The following NDUFS1 variants were observed in gnomAD, a reference collection of about 807,000 sequenced individuals.
NDUFS1 encodes the protein NADH-ubiquinone oxidoreductase 75 kDa subunit, mitochondrial.
NDUFS1 carries 61 observed loss-of-function variants against 84.4 expected under a neutral mutation model. That is an observed-to-expected ratio of 0.72 (90% CI 0.59 to 0.89). NDUFS1 has a LOEUF of 0.89. NDUFS1 is among the 40% of genes least tolerant of loss of function. NDUFS1 has a pLI of 0.00. For missense variants in NDUFS1, 891 were observed against 890.0 expected (o/e 1.00, Z -0.01); for synonymous variants, 275 against 290.0 (o/e 0.95, Z 0.53).
intron 13 of NDUFS1, among the ~76,000 whole-genome samples, chr2:206,133,680 A>G (rs1174640096): frequency 6.6e-6 from 1 of 152,232 alleles, no homozygotes; most frequent in Non-Finnish European, 1.5e-5. Context: ...ATGGGCAAAT[A>G]AGATGTAAAG....
rs1166389139 is a variant in NDUFS1, at chr2:206,120,228, A to G, written c.*3957T>C. The G allele has an allele frequency of 6.6e-6, 1 of 152,248 alleles. No individual in the cohort carries two copies. The highest frequency in any genetic ancestry group is 6.5e-5 in the Admixed American group (1 of 15,274). 9.4% of individuals were successfully genotyped at this position (152,248 alleles called of 1,614,324 possible). A position where few individuals can be genotyped will look rare whatever the true frequency, so the allele number is the denominator to read the frequency against. ...TTGCAAGAATTACCCAATCTCAGAT[A>G]TTCCTTTACAGTAATGCAAACAGAT... On this transcript the variant is annotated 3_prime_UTR_variant, in exon 19 of 19. Coordinates refer to ENST00000233190, the MANE Select transcript of NDUFS1 (RefSeq NM_005006.7).
At chr2:206,147,975 T>C in intron 5 of NDUFS1, 141 bp from the exon 6 acceptor site, 1 of 783,710 alleles carries the variant, frequency 1.3e-6, no homozygotes, top group Non-Finnish European at 2.2e-6. Flanking sequence ...TGCAGTGCAG[T>C]GGCACAATCT....
intron 12 of NDUFS1, among the ~76,000 whole-genome samples, chr2:206,139,060 G>A (rs1365385550): frequency 2.0e-5 from 3 of 151,032 alleles, no homozygotes; most frequent in Admixed American, 6.6e-5. Flanking sequence ...AGGTTGCAGC[G>A]AGCTGAGATC....
At chr2:206,150,971 C>T (rs916285840) in intron 3 of NDUFS1, among the ~76,000 whole-genome samples, 1 of 152,060 alleles carries the variant, frequency 6.6e-6, no homozygotes, top group East Asian at 1.9e-4. Context: ...AAAAATCCCT[C>T]GGGTCTTCAT....
At chr2:206,143,484 T>C (rs561976783) in intron 10 of NDUFS1, among the ~76,000 whole-genome samples, 1 of 152,300 alleles carries the variant, frequency 6.6e-6, no homozygotes, top group East Asian at 1.9e-4. Context: ...TGCTTTATGT[T>C]GTCTTTCTCT....
At position 206,118,007 on chromosome 2, in the gene NDUFS1, T is replaced by G. The variant is rs1302176699; in HGVS notation, c.*6178A>C. On this transcript the variant is annotated 3_prime_UTR_variant, in exon 19 of 19. Transcript: ENST00000233190. The stretch of plus-strand genomic sequence containing the variant: ...TATATTTGCCATTTCCAACATATGC[T>G]TTTAGTCCAGTCTAATCACCAGTCT... The G allele has an allele frequency of 1.3e-5, 2 of 152,208 alleles. No homozygotes were observed. The highest frequency in any genetic ancestry group is 2.9e-5 in the Non-Finnish European group (2 of 68,038). 9.4% of individuals were successfully genotyped at this position (152,208 alleles called of 1,614,324 possible). A position where few individuals can be genotyped will look rare whatever the true frequency, so the allele number is the denominator to read the frequency against.
intron 12 of NDUFS1, among the ~76,000 whole-genome samples, chr2:206,141,271 G>A (rs1053006835): frequency 5.9e-5 from 9 of 151,994 alleles, no homozygotes; most frequent in South Asian, 2.1e-4. Context: ...AAGGCCGGGC[G>A]CGGTGGCTCA....
At chr2:206,137,708 A>G (rs1412688557) in intron 13 of NDUFS1, among the ~76,000 whole-genome samples, 1 of 152,220 alleles carries the variant, frequency 6.6e-6, no homozygotes, top group African/African-American at 2.4e-5. Context: ...TTTGGGGAAA[A>G]GCAAAACAAT....
chr2:206,149,933 T>TAAA lies in NDUFS1; in HGVS notation c.154-11_154-9dup, dbSNP rs568965659. 3.4e-4 allele frequency: 205 copies of TAAA among 604,084 alleles called. No homozygotes were observed. Among genetic ancestry groups the TAAA allele is most frequent in the Middle Eastern group, 5.3e-4 (1 of 1,896 alleles). 37.4% of individuals were successfully genotyped at this position (604,084 alleles called of 1,614,324 possible). ...GCCAACCTTCTCACAAGCCTAGAAG[T>TAAA]AAAAAAAAAAAAAAAAAAAAAAAAA... is the stretch of plus-strand genomic sequence containing the variant. On this transcript the variant is annotated splice_polypyrimidine_tract_variant and intron_variant, in intron 3 of 18. Transcript: ENST00000233190.
chr2:206,124,195 G>T lies in NDUFS1; in HGVS notation c.2174C>A (p.Ser725Tyr). 6.2e-7 allele frequency: 1 copy of T among 1,608,662 alleles called. No homozygotes were observed. Among genetic ancestry groups the T allele is most frequent in the Non-Finnish European group, 8.5e-7 (1 of 1,175,106 alleles). Residue 725 changes from serine (S) to tyrosine (Y), a missense_variant, in exon 19 of 19, where the codon TCC (serine) becomes TAC (tyrosine). Ser to Tyr is a moderately radical substitution (Grantham distance 144). Transcript: ENST00000233190. ...ATCCTAGTAGAAGCTTCAGCATATG[G>T]ATGGTTCCTCTACTGCCTGGGCACC... ...TEGAQAVEEP[S>Y]IC
Position 206,120,116 on chromosome 2 carries a change from GCTTC to G in NDUFS1, c.*4065_*4068del, listed in dbSNP as rs1421633751. The G allele has an allele frequency of 6.6e-6, 1 of 152,300 alleles. No individual in the cohort carries two copies. Among genetic ancestry groups the G allele is most frequent in the Non-Finnish European group, 1.5e-5 (1 of 68,096 alleles). The allele number at this position is 152,300 out of a possible 1,614,324, so 9.4% of individuals were successfully genotyped here. Reference sequence around the variant, plus strand: ...ATTTTGCCTTCTACCATGATTGTAAGCTTCCTGAGGCCCTCATCAGAAGCAGCTG... The same window carrying G: ...ATTTTGCCTTCTACCATGATTGTAAGCTGAGGCCCTCATCAGAAGCAGCTG... On this transcript the variant is annotated 3_prime_UTR_variant, in exon 19 of 19. Transcript: ENST00000233190.
At chr2:206,159,213 G>A in intron 1 of NDUFS1, 128 bp downstream of exon 1, 1 of 1,446,460 alleles carries the variant, frequency 6.9e-7, no homozygotes, top group Non-Finnish European at 9.4e-7. Flanking sequence ...CCGAGGCGGC[G>A]GGGCGGGAGG....
rs2105938623 is a variant in NDUFS1, at chr2:206,123,081, T to G, written c.*1104A>C. 1 of 152,294 alleles carries G rather than the reference T, an allele frequency of 6.6e-6. No individual in the cohort carries two copies. Among genetic ancestry groups the G allele is most frequent in the East Asian group, 1.9e-4 (1 of 5,188 alleles). The allele number at this position is 152,294 out of a possible 1,614,324, so 9.4% of individuals were successfully genotyped here. ...TCTATTTTTAATTATCTCCTAATTG[T>G]AAAATTTTTACTTCCTTTTTTATTT... On this transcript the variant is annotated 3_prime_UTR_variant, in exon 19 of 19. Coordinates refer to ENST00000233190, the MANE Select transcript of NDUFS1 (RefSeq NM_005006.7).
chr2:206,141,878 T>G, intron 12 of NDUFS1, 63 bp downstream of exon 12: 1 of 1,440,074 alleles, frequency 6.9e-7, no homozygotes, highest in Non-Finnish European at 9.7e-7. Flanking sequence ...ATGCCATTTT[T>G]CACATATAAA....
At chr2:206,140,482 T>C (rs1691895091) in intron 12 of NDUFS1, among the ~76,000 whole-genome samples, 5 of 150,996 alleles carry the variant, frequency 3.3e-5, no homozygotes, top group Admixed American at 3.3e-4. Flanking sequence ...CCAAAAAAAC[T>C]AAATTTCTTT....
chr2:206,127,499 C>G, intron 16 of NDUFS1: 1 of 291,318 alleles, frequency 3.4e-6, no homozygotes, highest in South Asian at 3.8e-5. Flanking sequence ...GCCTGGGCAA[C>G]AGAGAAAAAC....
intron 18 of NDUFS1, 98 bp from the exon 19 acceptor site, chr2:206,124,374 T>G: frequency 2.3e-6 from 2 of 852,738 alleles, no homozygotes; most frequent in Non-Finnish European, 4.0e-6. Context: ...GAAAAAAGAT[T>G]ATAAGGCCCT....
intron 18 of NDUFS1, among the ~76,000 whole-genome samples, chr2:206,124,503 T>A (rs556409338): frequency 4.4e-4 from 67 of 152,226 alleles, no homozygotes; most frequent in African/African-American, 1.4e-3. Context: ...AGCTAGACAG[T>A]GCACCAGTAT....
chr2:206,144,998 C>T lies in NDUFS1; in HGVS notation c.766G>A (p.Ala256Thr), dbSNP rs757845380. Reference sequence around the variant, plus strand: ...CTAACCACAATATTACTTCCAACCGCATCCATTACATCAATGGATTCTGTC... The same window carrying T: ...CTAACCACAATATTACTTCCAACCGTATCCATTACATCAATGGATTCTGTC... ...RKTESIDVMD[A>T]VGSNIVVSTR... is the part of the protein sequence containing the mutation. The change falls in exon 9 of 19, where the codon GCG becomes ACG. Residue 256 changes from alanine (A) to threonine (T), a missense_variant. Coordinates refer to ENST00000233190, the MANE Select transcript of NDUFS1 (RefSeq NM_005006.7). 3.1e-6 allele frequency: 5 copies of T among 1,613,936 alleles called. No homozygotes were observed. Among genetic ancestry groups the T allele is most frequent in the Non-Finnish European group, 4.2e-6 (5 of 1,179,902 alleles).
Sources: gnomAD v4.1 joint callset for allele counts (sites outside exome capture counted in the v4.1 genomes callset) on GRCh38, gnomAD v4.1.1 for gene constraint, MANE v1.5 for transcripts, NCBI Gene and HGNC (gene_info 2026-07-23, HGNC 2026-07-21) for gene names.